The following SMAD3 variants were observed in gnomAD, a reference collection of about 807,000 sequenced individuals.
SMAD3 encodes the protein MAD homolog 3.
A neutral mutation model predicts 51.8 loss-of-function variants in SMAD3; 12 were observed. That is an observed-to-expected ratio of 0.23 (90% confidence interval 0.15 to 0.38). The LOEUF (loss-of-function observed/expected upper bound fraction) is 0.38, where lower values mean the gene tolerates loss of function less well. Among genes scored for constraint, SMAD3 ranks in the 10% least tolerant of loss-of-function variants. The pLI is 1.00. For synonymous variants in SMAD3, 238 were observed against 227.7 expected (o/e 1.05, Z -0.41); for missense variants, 294 against 565.6 (o/e 0.52, Z 4.87).
chr15:67,174,052 T>A (rs1208411784), intron 5 of SMAD3, among the ~76,000 whole-genome samples: 15 of 152,222 alleles, frequency 9.9e-5, no homozygotes, highest in Admixed American at 9.8e-4. Context: ...CATGAACACA[T>A]GTGGCAGCCT....
intron 1 of SMAD3, among the ~76,000 whole-genome samples, chr15:67,107,699 C>T (rs940593481): frequency 1.3e-5 from 2 of 152,222 alleles, no homozygotes; most frequent in African/African-American, 4.8e-5. Context: ...CTTCCCTGCC[C>T]CATACTGTTG....
intron 1 of SMAD3, among the ~76,000 whole-genome samples, chr15:67,092,738 C>T (rs1462945545): frequency 6.6e-6 from 1 of 152,198 alleles, no homozygotes; most frequent in East Asian, 1.9e-4. Flanking sequence ...CCCCTTTAGG[C>T]CCAAGCCTGC....
In SMAD3 at chr15:67,084,790, C is replaced by T. The variant is rs1162418566; in HGVS notation, c.206+18430C>T. 3.3e-5 allele frequency among the ~76,000 whole-genome samples: 5 copies of T among 152,206 alleles called. No homozygotes were observed. In the South Asian group the frequency reaches 6.2e-4, roughly 19 times the overall value. ...AGCACAGGTTTTCTGTGCTTCTAGG[C>T]ACCGGCTGCATTCCAACCGTAGTGC... is the stretch of plus-strand genomic sequence containing the variant. On this transcript the variant is annotated intron_variant, in intron 1 of 8. Transcript: ENST00000327367.
intron 1 of SMAD3, among the ~76,000 whole-genome samples, chr15:67,071,614 A>G (rs985689653): frequency 2.0e-5 from 3 of 152,184 alleles, no homozygotes; most frequent in African/African-American, 7.2e-5. Flanking sequence ...GATCACAACC[A>G]TTCTGGCTAA....
chr15:67,079,424 T>C (rs1031155943), intron 1 of SMAD3, among the ~76,000 whole-genome samples: 17 of 152,162 alleles, frequency 1.1e-4, no homozygotes, highest in Non-Finnish European at 5.9e-5. Flanking sequence ...CAAAATTATA[T>C]TGGAATATGA....
intron 1 of SMAD3, among the ~76,000 whole-genome samples, chr15:67,157,510 C>T (rs1962315331): frequency 6.6e-6 from 1 of 152,204 alleles, no homozygotes; most frequent in Admixed American, 6.5e-5. Context: ...GGGGGTGTTG[C>T]CGTTTCTGCG....
chr15:67,169,939 C>T (rs1420519280), intron 4 of SMAD3, among the ~76,000 whole-genome samples: 2 of 152,138 alleles, frequency 1.3e-5, no homozygotes, highest in Admixed American at 1.3e-4. Context: ...CTTTTTCCCA[C>T]GTGCATCATC....
chr15:67,120,056 C>A (rs930704399), intron 1 of SMAD3, among the ~76,000 whole-genome samples: 1 of 152,216 alleles, frequency 6.6e-6, no homozygotes, highest in Admixed American at 6.5e-5. Context: ...CTTGGCCTCC[C>A]AAAGTGCTGG....
chr15:67,074,593 G>A (rs1960127155), intron 1 of SMAD3, among the ~76,000 whole-genome samples: 1 of 152,226 alleles, frequency 6.6e-6, no homozygotes, highest in Non-Finnish European at 1.5e-5. Flanking sequence ...GGCTCTCCCA[G>A]CTTACATCTG....
intron 1 of SMAD3, among the ~76,000 whole-genome samples, chr15:67,156,414 C>G (rs1347663543): frequency 6.6e-6 from 1 of 152,174 alleles, no homozygotes; most frequent in Non-Finnish European, 1.5e-5. Flanking sequence ...ATGGTTAAGT[C>G]TTATCCAGCT....
intron 1 of SMAD3, among the ~76,000 whole-genome samples, chr15:67,123,459 A>G (rs527695777): frequency 6.6e-6 from 1 of 152,342 alleles, no homozygotes; most frequent in South Asian, 2.1e-4. Flanking sequence ...AGATTGTGCC[A>G]TCGCACTCCA....
intron 1 of SMAD3, among the ~76,000 whole-genome samples, chr15:67,100,417 A>G (rs4551984): frequency 0.96 from 146,634 of 152,016 alleles, 70,948 homozygotes; most frequent in East Asian, 1. Context: ...TCCTTGAGGG[A>G]TGTTCTGGAA....
Position 67,160,873 on chromosome 15 carries a change from T to C in SMAD3, c.207-4022T>C, listed in dbSNP as rs376951851. Among the ~76,000 whole-genome samples the C allele has an allele frequency of 3.3e-5, 5 of 151,148 alleles. No homozygotes were observed. The South Asian group carries it at 1.0e-3, about 31-fold the overall frequency. On this transcript the variant is annotated intron_variant, in intron 1 of 8. Coordinates refer to ENST00000327367, the MANE Select transcript of SMAD3 (RefSeq NM_005902.4). ...CTAGAAACAGGTCTATTATCAAATA[T>C]ACGCTTTGCAAATATTTTCTCTTAG...
intron 1 of SMAD3, among the ~76,000 whole-genome samples, chr15:67,119,394 G>A (rs1158775849): frequency 6.6e-6 from 1 of 152,154 alleles, no homozygotes; most frequent in East Asian, 1.9e-4. Flanking sequence ...ATGGGAGGTG[G>A]GCAGTAGACA....
chr15:67,137,132 G>T (rs1045292023), intron 1 of SMAD3, among the ~76,000 whole-genome samples: 1 of 152,206 alleles, frequency 6.6e-6, no homozygotes, highest in South Asian at 2.1e-4. Context: ...GACGGAGCAG[G>T]CTGCGTTTGT....
In SMAD3 at chr15:67,181,319, A is replaced by G. The variant is rs2140314037; in HGVS notation, c.737A>G (p.Glu246Gly). The G allele has an allele frequency of 6.2e-7, 1 of 1,614,064 alleles. No individual in the cohort carries two copies. Among genetic ancestry groups the G allele is most frequent in the African/African-American group, 1.3e-5 (1 of 75,034 alleles). The stretch of plus-strand genomic sequence containing the variant: ...TACGAGCTGAACCAGCGCGTCGGGG[A>G]GACATTCCACGCCTCGCAGCCATCC... ...SYYELNQRVGETFHASQPSMT... is the reference protein window; with the variant it reads ...SYYELNQRVGGTFHASQPSMT... Residue 246 changes from glutamate to glycine, a missense_variant, in exon 6 of 9, where the codon GAG becomes GGG. Around this residue, in one of 3 missense-constraint regions of SMAD3, gnomAD observed 118 missense variants for 278.0 expected, o/e 0.42. Coordinates refer to ENST00000327367, the MANE Select transcript of SMAD3 (RefSeq NM_005902.4).
intron 1 of SMAD3, among the ~76,000 whole-genome samples, chr15:67,129,653 T>C (rs1961474997): frequency 6.6e-6 from 1 of 152,216 alleles, no homozygotes; most frequent in African/African-American, 2.4e-5. Context: ...TTGCAATTAC[T>C]TCTAAAATCT....
intron 4 of SMAD3, among the ~76,000 whole-genome samples, chr15:67,168,315 C>T (rs1175181783): frequency 6.6e-6 from 1 of 152,218 alleles, no homozygotes; most frequent in East Asian, 1.9e-4. Flanking sequence ...CCAGCCTGGA[C>T]ATCGTGGCAC....
intron 1 of SMAD3, among the ~76,000 whole-genome samples, chr15:67,106,404 CT>C (rs1179306995): frequency 2.0e-5 from 3 of 152,258 alleles, no homozygotes; most frequent in Admixed American, 6.5e-5. Flanking sequence ...TAGTTTTCAG[CT>C]GGCGAATGTG....
Sources: allele counts gnomAD v4.1 joint callset (sites outside exome capture counted in the v4.1 genomes callset), GRCh38; gene constraint gnomAD v4.1.1; regional missense constraint gnomAD v4.1.1; transcripts MANE v1.5; gene names NCBI Gene and HGNC (gene_info 2026-07-23, HGNC 2026-07-21).